The following SGCZ variants were observed in gnomAD, a reference collection of about 807,000 sequenced individuals.
SGCZ encodes sarcoglycan zeta.
Under a neutral mutation model 41.3 loss-of-function variants are expected in SGCZ, and 40 were observed. The ratio of observed to expected loss-of-function variants is 0.97; its 90% CI spans 0.75 to 1.26. The LOEUF is 1.26. Ranked by LOEUF, SGCZ falls within the 50% of genes most tolerant of loss-of-function variation. The pLI, the probability that SGCZ is intolerant of heterozygous loss-of-function variation, is 0.00. For synonymous variants in SGCZ, 206 were observed against 137.5 expected (o/e 1.50, Z -3.49); for missense variants, 552 against 369.8 (o/e 1.49, Z -4.04).
intron 1 of SGCZ, among the ~76,000 whole-genome samples, chr8:14,806,252 G>C (rs1178869230): frequency 1.3e-5 from 2 of 150,996 alleles, no homozygotes; most frequent in African/African-American, 4.9e-5. Context: ...GAAGGAAATA[G>C]AGACATAAAA....
At chr8:14,261,191 C>T (rs1455532654) in intron 3 of SGCZ, among the ~76,000 whole-genome samples, 2 of 152,170 alleles carry the variant, frequency 1.3e-5, no homozygotes, top group Non-Finnish European at 1.5e-5. Flanking sequence ...AGTAAAACAA[C>T]TTTCTTTCCC....
At chr8:14,632,278 C>T (rs186841193) in intron 1 of SGCZ, among the ~76,000 whole-genome samples, 16 of 152,174 alleles carry the variant, frequency 1.1e-4, no homozygotes, top group Admixed American at 9.8e-4. Flanking sequence ...CCACATCAGC[C>T]TCCCAAAGCA....
At chr8:14,531,972 A>G (rs1903595) in intron 2 of SGCZ, among the ~76,000 whole-genome samples, 33,617 of 152,128 alleles carry the variant, frequency 0.22, 4,671 homozygotes, top group Non-Finnish European at 0.32. Context: ...ATAAAACATA[A>G]ATTAAAACAG....
chr8:15,155,647 T>C (rs553467789), intron 1 of SGCZ, among the ~76,000 whole-genome samples: 157 of 152,286 alleles, frequency 1.0e-3, no homozygotes, highest in African/African-American at 3.6e-3. Context: ...GACATAAAAA[T>C]GACATGAAGA....
At chr8:14,822,705 T>C (rs1231765826) in intron 1 of SGCZ, among the ~76,000 whole-genome samples, 3 of 151,890 alleles carry the variant, frequency 2.0e-5, no homozygotes, top group Non-Finnish European at 4.4e-5. Context: ...TCAACCAAGA[T>C]GCCAAGAACA....
intron 1 of SGCZ, among the ~76,000 whole-genome samples, chr8:15,190,850 T>C (rs897534062): frequency 1.3e-5 from 2 of 152,052 alleles, no homozygotes; most frequent in Non-Finnish European, 2.9e-5. Context: ...AGCAGCTAAA[T>C]GACTACTCCT....
intron 1 of SGCZ, among the ~76,000 whole-genome samples, chr8:14,642,502 A>G (rs1426675511): frequency 6.6e-6 from 1 of 151,182 alleles, no homozygotes; most frequent in Non-Finnish European, 1.5e-5. Flanking sequence ...ACAATATGTA[A>G]GGTATCGACC....
intron 1 of SGCZ, among the ~76,000 whole-genome samples, chr8:14,600,790 A>G (rs1805566739): frequency 6.6e-6 from 1 of 152,164 alleles, no homozygotes; most frequent in Admixed American, 6.5e-5. Context: ...TAAAGTTTTA[A>G]AAAAGAATAA....
chr8:14,139,267 C>A (rs181441890), intron 5 of SGCZ, among the ~76,000 whole-genome samples: 1 of 152,108 alleles, frequency 6.6e-6, no homozygotes, highest in African/African-American at 2.4e-5. Flanking sequence ...GACATCCTAA[C>A]GTCACAATTA....
chr8:14,706,109 TC>T (rs898750315), intron 1 of SGCZ, among the ~76,000 whole-genome samples: 2 of 151,832 alleles, frequency 1.3e-5, no homozygotes, highest in Non-Finnish European at 2.9e-5. Context: ...TCTAGAATTT[TC>T]CCCCCCATGG....
At chr8:14,241,684 T>A (rs1798898873) in intron 3 of SGCZ, among the ~76,000 whole-genome samples, 1 of 151,984 alleles carries the variant, frequency 6.6e-6, no homozygotes, top group Admixed American at 6.6e-5. Context: ...AGAGGACATA[T>A]CCGCCTTCTT....
chr8:14,494,025 A>G (rs1253089092), intron 2 of SGCZ, among the ~76,000 whole-genome samples: 4 of 152,220 alleles, frequency 2.6e-5, no homozygotes, highest in Non-Finnish European at 4.4e-5. Context: ...TAACCAAGCA[A>G]TAATGTACTA....
chr8:14,872,691 C>A (rs1416707893), intron 1 of SGCZ, among the ~76,000 whole-genome samples: 2 of 152,078 alleles, frequency 1.3e-5, no homozygotes, highest in Non-Finnish European at 2.9e-5. Flanking sequence ...GTATCATCAA[C>A]TAAACTAACT....
At chr8:14,871,037 A>G (rs1272448515) in intron 1 of SGCZ, among the ~76,000 whole-genome samples, 1 of 152,048 alleles carries the variant, frequency 6.6e-6, no homozygotes, top group Non-Finnish European at 1.5e-5. Context: ...GAGAAACCTC[A>G]TGTCTACTAA....
intron 4 of SGCZ, among the ~76,000 whole-genome samples, chr8:14,227,519 T>A (rs1806413616): frequency 6.6e-6 from 1 of 152,054 alleles, no homozygotes; most frequent in Non-Finnish European, 1.5e-5. Flanking sequence ...TATTAAAAAT[T>A]CTTAACTACA....
At chr8:14,389,272 G>C (rs1008693052) in intron 2 of SGCZ, among the ~76,000 whole-genome samples, 1 of 151,818 alleles carries the variant, frequency 6.6e-6, no homozygotes, top group African/African-American at 2.4e-5. Context: ...TTTCCAGTAA[G>C]AGTGTAGGAG....
At chr8:14,568,834 C>T (rs1469975968) in intron 1 of SGCZ, among the ~76,000 whole-genome samples, 10 of 152,070 alleles carry the variant, frequency 6.6e-5, no homozygotes, top group Admixed American at 5.9e-4. Flanking sequence ...TTAAATAATT[C>T]AATATATATT....
intron 1 of SGCZ, among the ~76,000 whole-genome samples, chr8:15,028,055 T>A (rs1457147613): frequency 2.6e-5 from 4 of 152,108 alleles, no homozygotes; most frequent in Non-Finnish European, 2.9e-5. Context: ...CAGTTACCAC[T>A]GCCTTCCGCA....
intron 1 of SGCZ, among the ~76,000 whole-genome samples, chr8:15,162,891 C>A (rs1457212): frequency 0.23 from 34,271 of 152,108 alleles, 4,141 homozygotes; most frequent in East Asian, 0.45. Context: ...ACTGCAGAAA[C>A]AGTCTAAATA....
Sources: gnomAD v4.1 joint callset for allele counts (sites outside exome capture counted in the v4.1 genomes callset) on GRCh38, gnomAD v4.1.1 for gene constraint, MANE v1.5 for transcripts, NCBI Gene and HGNC (gene_info 2026-07-23, HGNC 2026-07-21) for gene names.